The following NKAIN3 variants were observed in gnomAD, a reference collection of about 807,000 sequenced individuals.
NKAIN3 encodes the protein sodium/potassium transporting ATPase interacting 3.
Under a neutral mutation model 30.2 loss-of-function variants are expected in NKAIN3, and 25 were observed. That is an observed-to-expected ratio of 0.83 (90% CI 0.60 to 1.16). The LOEUF is 1.16. NKAIN3 is among the 50% of genes most tolerant of loss of function. NKAIN3 has a pLI of 0.00. For missense variants in NKAIN3, 225 were observed against 254.1 expected, an observed-to-expected ratio of 0.89 and a Z score of 0.78; for synonymous variants, 91 against 89.6, an observed-to-expected ratio of 1.02 and a Z score of -0.09.
chr8:62,900,115 T>C (rs1821562278), intron 4 of NKAIN3, among the ~76,000 whole-genome samples: 1 of 151,450 alleles, frequency 6.6e-6, no homozygotes, highest in Non-Finnish European at 1.5e-5. Flanking sequence ...TTATGAAAAA[T>C]TGATGGTTGT....
intron 4 of NKAIN3, among the ~76,000 whole-genome samples, chr8:62,821,169 G>A (rs987181372): frequency 3.3e-5 from 5 of 151,956 alleles, no homozygotes; most frequent in African/African-American, 1.2e-4. Context: ...GATAGTAAAT[G>A]TTTCCTTTTA....
chr8:62,865,599 T>A lies in NKAIN3; in HGVS notation c.472-52854T>A, dbSNP rs1442595976. ...GTGTGACATGCAAATGTCATTTTTT[T>A]AATGAGAAATACTTTCCCCTTTGTG... On this transcript the variant is annotated intron_variant, in intron 4 of 6. Coordinates refer to ENST00000623646, the MANE Select transcript of NKAIN3 (RefSeq NM_001304533.3). Among the ~76,000 whole-genome samples the A allele has an allele frequency of 5.3e-5, 8 of 152,340 alleles. No homozygotes were observed. The East Asian group carries it at 1.5e-3, about 29-fold the overall frequency.
chr8:62,964,266 G>C (rs868232050), intron 6 of NKAIN3, among the ~76,000 whole-genome samples: 8 of 152,168 alleles, frequency 5.3e-5, no homozygotes, highest in Middle Eastern at 3.2e-3. Flanking sequence ...GTTTGGATTA[G>C]CTAAGACTTT....
chr8:62,461,628 G>A (rs899038519), intron 1 of NKAIN3, among the ~76,000 whole-genome samples: 1 of 152,068 alleles, frequency 6.6e-6, no homozygotes, highest in Non-Finnish European at 1.5e-5. Flanking sequence ...ATCAAGAGAT[G>A]GAAATTATTA....
chr8:62,859,443 C>T (rs1820169320), intron 4 of NKAIN3, among the ~76,000 whole-genome samples: 1 of 138,044 alleles, frequency 7.2e-6, no homozygotes, highest in Non-Finnish European at 1.5e-5. Context: ...TGTCTGGGCT[C>T]CTGCACCAGC....
At chr8:62,893,133 C>A (rs1249923331) in intron 4 of NKAIN3, among the ~76,000 whole-genome samples, 3 of 152,136 alleles carry the variant, frequency 2.0e-5, no homozygotes, top group Non-Finnish European at 4.4e-5. Context: ...CAGAGACCTA[C>A]AAATTTGTGC....
At chr8:62,678,398 A>G (rs796913651) in intron 3 of NKAIN3, among the ~76,000 whole-genome samples, 61 of 152,318 alleles carry the variant, frequency 4.0e-4, no homozygotes, top group African/African-American at 1.3e-3. Flanking sequence ...ATATCATGCA[A>G]TCTTCGAAAT....
intron 1 of NKAIN3, among the ~76,000 whole-genome samples, chr8:62,578,511 G>A (rs907093428): frequency 6.6e-6 from 1 of 152,072 alleles, no homozygotes; most frequent in African/African-American, 2.4e-5. Context: ...CTTGAGCCCA[G>A]AGTAAGTAAA....
At chr8:62,616,103 C>A (rs1056600522) in intron 3 of NKAIN3, among the ~76,000 whole-genome samples, 9 of 152,178 alleles carry the variant, frequency 5.9e-5, no homozygotes, top group Non-Finnish European at 8.8e-5. Context: ...TGTGAAAATT[C>A]ACATTTTTAT....
At chr8:62,706,411 C>T (rs981310414) in intron 3 of NKAIN3, among the ~76,000 whole-genome samples, 4 of 152,036 alleles carry the variant, frequency 2.6e-5, no homozygotes, top group African/African-American at 9.7e-5. Flanking sequence ...AGTTCAGAAC[C>T]ACTCCCTTCG....
At chr8:62,499,814 G>GTTTC (rs35053996) in intron 1 of NKAIN3, among the ~76,000 whole-genome samples, 10,428 of 151,246 alleles carry the variant, frequency 0.069, 442 homozygotes, top group East Asian at 0.12. Context: ...AGGTTTGTTT[G>GTTTC]TTTGTTTCTT....
chr8:62,623,603 G>T (rs1179560256), intron 3 of NKAIN3, among the ~76,000 whole-genome samples: 16 of 151,946 alleles, frequency 1.1e-4, no homozygotes, highest in Non-Finnish European at 2.1e-4. Flanking sequence ...TCTTACGTAG[G>T]TACAAATTTC....
intron 1 of NKAIN3, among the ~76,000 whole-genome samples, chr8:62,432,283 T>C (rs1055190718): frequency 6.6e-6 from 1 of 152,094 alleles, no homozygotes; most frequent in Non-Finnish European, 1.5e-5. Context: ...CCCAGCTGAA[T>C]ACTGCCTTTC....
chr8:62,288,953 A>G (rs1759730010), intron 1 of NKAIN3, among the ~76,000 whole-genome samples: 1 of 152,186 alleles, frequency 6.6e-6, no homozygotes, highest in South Asian at 2.1e-4. Flanking sequence ...GTGAGATGGT[A>G]TCACATTGTG....
downstream of NKAIN3, among the ~76,000 whole-genome samples, chr8:62,987,618 C>T (rs115257864): frequency 1.1e-3 from 163 of 152,228 alleles, 1 homozygote; most frequent in African/African-American, 3.9e-3. Flanking sequence ...ATCATGAGCA[C>T]AGCATGTGAC....
intron 3 of NKAIN3, among the ~76,000 whole-genome samples, chr8:62,663,116 G>A (rs1432129060): frequency 3.9e-5 from 6 of 152,172 alleles, no homozygotes; most frequent in Non-Finnish European, 7.3e-5. Flanking sequence ...GGTATTGGGA[G>A]CAAGTGCCCT....
At chr8:62,775,528 A>C (rs976366023) in intron 4 of NKAIN3, among the ~76,000 whole-genome samples, 1 of 151,926 alleles carries the variant, frequency 6.6e-6, no homozygotes, top group Admixed American at 6.6e-5. Flanking sequence ...TACATGTTTC[A>C]TGTAGGCACT....
rs370806240 is a variant in NKAIN3 at position 62,410,790 on chromosome 8, T to C, written c.54+161663T>C. On this transcript the variant is annotated intron_variant, in intron 1 of 6. Coordinates refer to ENST00000623646, the MANE Select transcript of NKAIN3 (RefSeq NM_001304533.3). ...AAAATGATGAATTCCTGAAAACACA[T>C]AATGTCCCAAGACTGAAGAAGGAAG... is the stretch of plus-strand genomic sequence containing the variant. Among the ~76,000 whole-genome samples the C allele has an allele frequency of 3.3e-5, 5 of 151,928 alleles. No individual in the cohort carries two copies. The East Asian group carries it at 5.8e-4, about 18-fold the overall frequency.
At chr8:62,395,445 T>C (rs886235622) in intron 1 of NKAIN3, among the ~76,000 whole-genome samples, 2 of 152,184 alleles carry the variant, frequency 1.3e-5, no homozygotes, top group African/African-American at 4.8e-5. Context: ...TATTTGGTAA[T>C]ATCTTTAAGG....
Sources: allele counts gnomAD v4.1 joint callset (sites outside exome capture counted in the v4.1 genomes callset), GRCh38; gene constraint gnomAD v4.1.1; transcripts MANE v1.5; gene names NCBI Gene and HGNC (gene_info 2026-07-23, HGNC 2026-07-21).